Variants in CAMK1D observed in about 807,000 individuals in gnomAD.
CAMK1D encodes the protein calcium/calmodulin dependent protein kinase ID.
CAMK1D carries 9 observed loss-of-function variants against 47.7 expected under a neutral mutation model. The observed-to-expected ratio is 0.19, with a 90% CI of 0.11 to 0.33. The LOEUF is 0.33. Among genes scored for constraint, CAMK1D ranks in the 10% least tolerant of loss-of-function variants. The probability of loss-of-function intolerance (pLI) is 1.00; values close to 1 mark genes in which losing one functional copy is unlikely to be tolerated. For synonymous variants in CAMK1D, 184 were observed against 184.9 expected (o/e 0.99, Z 0.04); for missense variants, 291 against 488.7 (o/e 0.60, Z 3.81).
intron 1 of CAMK1D, among the ~76,000 whole-genome samples, chr10:12,530,867 G>A (rs907693156): frequency 1.3e-5 from 2 of 152,090 alleles, no homozygotes; most frequent in African/African-American, 4.8e-5. Context: ...GACCAGCCTG[G>A]CCAACATGGT....
chr10:12,620,186 C>CAAAAAAAAA (rs56027797), intron 2 of CAMK1D, among the ~76,000 whole-genome samples: 1,220 of 86,516 alleles, frequency 0.014, 55 homozygotes, highest in Non-Finnish European at 0.02. Context: ...GACTCCGTCT[C>CAAAAAAAAA]AAAAAAAAAA....
At chr10:12,696,011 G>T (rs150865468) in intron 3 of CAMK1D, among the ~76,000 whole-genome samples, 4 of 152,234 alleles carry the variant, frequency 2.6e-5, no homozygotes, top group African/African-American at 9.6e-5. Flanking sequence ...CCGGGAGGTG[G>T]AGGTTGCAGT....
chr10:12,472,845 C>T (rs949328311), intron 1 of CAMK1D, among the ~76,000 whole-genome samples: 2 of 152,114 alleles, frequency 1.3e-5, no homozygotes, highest in Non-Finnish European at 2.9e-5. Context: ...TGTTATTGAT[C>T]ATTTTCTATA....
chr10:12,796,540 A>G (rs1838203117), intron 6 of CAMK1D, among the ~76,000 whole-genome samples: 1 of 152,210 alleles, frequency 6.6e-6, no homozygotes. Context: ...AGCAATTGAC[A>G]GCTGGCTCTT....
At chr10:12,440,970 T>G (rs1181199919) in intron 1 of CAMK1D, among the ~76,000 whole-genome samples, 1 of 152,248 alleles carries the variant, frequency 6.6e-6, no homozygotes, top group African/African-American at 2.4e-5. Context: ...TGCCTGAAAG[T>G]CGGTCATAAG....
chr10:12,660,707 G>T (rs115861837), intron 2 of CAMK1D, among the ~76,000 whole-genome samples: 2,649 of 152,286 alleles, frequency 0.017, 49 homozygotes, highest in South Asian at 0.11. Flanking sequence ...TCTGTATATA[G>T]ATGTGTCAGC....
intron 1 of CAMK1D, among the ~76,000 whole-genome samples, chr10:12,515,409 T>TC (rs1835169377): frequency 2.9e-5 from 2 of 68,462 alleles, no homozygotes; most frequent in Admixed American, 3.0e-4. Context: ...TTTCTTTTTT[T>TC]TTTTTTTTCT....
intron 1 of CAMK1D, among the ~76,000 whole-genome samples, chr10:12,509,242 C>T (rs1387281587): frequency 6.6e-6 from 1 of 152,204 alleles, no homozygotes; most frequent in Non-Finnish European, 1.5e-5. Context: ...CTACCCTGCT[C>T]CAGGCTTCTA....
At chr10:12,692,060 G>T (rs1358281786) in intron 3 of CAMK1D, among the ~76,000 whole-genome samples, 1 of 152,062 alleles carries the variant, frequency 6.6e-6, no homozygotes, top group Non-Finnish European at 1.5e-5. Context: ...CTTCTGTTTT[G>T]CTCATGATTT....
intron 3 of CAMK1D, among the ~76,000 whole-genome samples, chr10:12,679,096 T>C (rs1267572305): frequency 6.6e-6 from 1 of 152,222 alleles, no homozygotes; most frequent in East Asian, 1.9e-4. Flanking sequence ...CACACTACTT[T>C]TCTAAATACC....
At chr10:12,370,166 G>A (rs1337090142) in intron 1 of CAMK1D, among the ~76,000 whole-genome samples, 6 of 152,154 alleles carry the variant, frequency 3.9e-5, no homozygotes, top group East Asian at 3.9e-4. Context: ...ATAATGGAGC[G>A]GAAGCATTCC....
intron 2 of CAMK1D, among the ~76,000 whole-genome samples, chr10:12,584,430 T>C (rs1837755451): frequency 6.6e-6 from 1 of 152,232 alleles, no homozygotes; most frequent in South Asian, 2.1e-4. Context: ...ACTACACATA[T>C]TTCTGTTGCT....
intron 1 of CAMK1D, among the ~76,000 whole-genome samples, chr10:12,354,900 G>T (rs1837462950): frequency 6.7e-6 from 1 of 148,678 alleles, no homozygotes; most frequent in Non-Finnish European, 1.5e-5. Context: ...GGAGTGCGGT[G>T]GTGCGATCAT....
chr10:12,640,715 G>A (rs565357380), intron 2 of CAMK1D, among the ~76,000 whole-genome samples: 4 of 152,228 alleles, frequency 2.6e-5, no homozygotes, highest in Non-Finnish European at 4.4e-5. Context: ...ATTCCTGACC[G>A]AAGCTGTCAT....
chr10:12,395,026 G>A (rs1393145032), intron 1 of CAMK1D, among the ~76,000 whole-genome samples: 3 of 150,932 alleles, frequency 2.0e-5, no homozygotes. Context: ...GCTTACTGAG[G>A]GTAAACAGTT....
intron 1 of CAMK1D, among the ~76,000 whole-genome samples, chr10:12,427,700 G>GTTTTTATTTTTTTTTTTTTTTT (rs1840284035): frequency 3.2e-5 from 1 of 31,030 alleles, no homozygotes; most frequent in African/African-American, 1.1e-4. Flanking sequence ...TGAACTTACT[G>GTTTTTATTTTTTTTTTTTTTTT]TTTTTTTTTT....
At chr10:12,583,718 C>G (rs1356818220) in intron 2 of CAMK1D, among the ~76,000 whole-genome samples, 3 of 151,956 alleles carry the variant, frequency 2.0e-5, no homozygotes, top group Non-Finnish European at 4.4e-5. Context: ...TCTCCTGCCT[C>G]AGCCTCCCGA....
chr10:12,460,645 G>T (rs1267493580), intron 1 of CAMK1D, among the ~76,000 whole-genome samples: 28 of 152,102 alleles, frequency 1.8e-4, no homozygotes, highest in Non-Finnish European at 1.0e-4. Flanking sequence ...GACTAGGCTG[G>T]TCTTGAACTC....
chr10:12,784,198 A>ATTT lies in CAMK1D; in HGVS notation c.566-6944_566-6942dup, dbSNP rs71386119. The stretch of plus-strand genomic sequence containing the variant: ...ACCCGAACTTCCTTGGAGAAAAGGT[A>ATTT]TTTTTTTTTTTTTTTTTTGAGATGG... On this transcript the variant is annotated intron_variant, in intron 5 of 10. Transcript: ENST00000619168. Among the ~76,000 whole-genome samples the ATTT allele has an allele frequency of 6.8e-4, 93 of 136,040 alleles. 2 individuals are homozygous for ATTT. The highest frequency in any genetic ancestry group is 7.2e-4 in the African/African-American group (26 of 36,266). 89.2% of individuals were successfully genotyped at this position (136,040 alleles called of 152,430 possible). A position where few individuals can be genotyped will look rare whatever the true frequency, so the allele number is the denominator to read the frequency against.
Sources: allele counts gnomAD v4.1 joint callset (sites outside exome capture counted in the v4.1 genomes callset), GRCh38; gene constraint gnomAD v4.1.1; transcripts MANE v1.5; gene names NCBI Gene and HGNC (gene_info 2026-07-23, HGNC 2026-07-21).